MYCBP2: variants seen among roughly 807,000 people sequenced by gnomAD.
MYCBP2 encodes E3 ubiquitin-protein ligase MYCBP2.
Under a neutral mutation model 525.3 loss-of-function variants are expected in MYCBP2, and 120 were observed. The observed-to-expected ratio is 0.23, with a 90% confidence interval of 0.20 to 0.27. The LOEUF (loss-of-function observed/expected upper bound fraction) is 0.27, where lower values mean the gene tolerates loss of function less well. MYCBP2 is among the 10% of genes least tolerant of loss of function. The probability of loss-of-function intolerance (pLI) is 1.00; values close to 1 mark genes in which losing one functional copy is unlikely to be tolerated. For synonymous variants in MYCBP2, 1,894 were observed against 1,955.8 expected, an observed-to-expected ratio of 0.97 and a Z score of 0.83; for missense variants, 4,149 against 5,657.1, an observed-to-expected ratio of 0.73 and a Z score of 8.55.
rs756451071 is a variant in MYCBP2, at chr13:77,176,554, C to T, written c.5415G>A (p.Thr1805=). Residue 1805 remains threonine, a synonymous_variant, in exon 36 of 83, where the codon ACG becomes ACA. Transcript: ENST00000544440. ...SLELVKGTYT[T]DDSPSDIAEI... ...CAGCTATATCACTGGGTGAGTCATCCGTTGTGTACGTTCCTTTCACTAATT... is the reference window on the plus strand; with the variant it reads ...CAGCTATATCACTGGGTGAGTCATCTGTTGTGTACGTTCCTTTCACTAATT... 17 of 1,599,668 alleles carry T rather than the reference C, an allele frequency of 1.1e-5. No homozygotes were observed. Among genetic ancestry groups the T allele is most frequent in the Admixed American group, 3.3e-5 (2 of 59,838 alleles).
chr13:77,120,284 A>C (rs931491333), intron 55 of MYCBP2, among the ~76,000 whole-genome samples: 5 of 152,210 alleles, frequency 3.3e-5, no homozygotes, highest in Non-Finnish European at 7.4e-5. Flanking sequence ...ACCCGAAGTA[A>C]GCGAGCAGAT....
chr13:77,058,256 A>T lies in MYCBP2; in HGVS notation c.13291T>A (p.Cys4431Ser). The T allele has an allele frequency of 6.2e-7, 1 of 1,614,176 alleles. No homozygotes were observed. The highest frequency in any genetic ancestry group is 8.5e-7 in the Non-Finnish European group (1 of 1,180,012). ...KQDADDMCMICFTEALSAAPA... is the reference protein window; with the variant it reads ...KQDADDMCMISFTEALSAAPA... ...GCTGCCGAGAGCGCTTCGGTGAAAC[A>T]TATCATGCACATGTCATCGGCGTCT... is the stretch of plus-strand genomic sequence containing the variant. The change falls in exon 78 of 83, where the codon TGT (cysteine) becomes AGT (serine). Residue 4431 changes from cysteine (C) to serine (S), a missense_variant. Transcript: ENST00000544440. The surrounding 1 kb of genome is among the most constrained non-coding windows in gnomAD (Gnocchi z 4.1).
chr13:77,288,463 A>G (rs2077120082), intron 2 of MYCBP2, 87 bp from the exon 3 acceptor site: 1 of 1,145,268 alleles, frequency 8.7e-7, no homozygotes, highest in South Asian at 1.5e-5. Context: ...TAGACACACT[A>G]ACTGACTTGC....
chr13:77,068,551 G>C lies in MYCBP2; in HGVS notation c.12171+14C>G, dbSNP rs746144525. ...TAACAAAAGCAATGGAAAGGCTGTA[G>C]TGTGATCAGTCACCTGTCTCTGGAC... is the stretch of plus-strand genomic sequence containing the variant. On this transcript the variant is annotated intron_variant, in intron 70 of 82. Coordinates refer to ENST00000544440, the MANE Select transcript of MYCBP2 (RefSeq NM_015057.5). 2.5e-6 allele frequency: 4 copies of C among 1,613,450 alleles called. No homozygotes were observed. In the Admixed American group the frequency reaches 6.7e-5, roughly 27 times the overall value.
chr13:77,108,488 G>T (rs1186182296), intron 55 of MYCBP2, among the ~76,000 whole-genome samples: 2 of 152,076 alleles, frequency 1.3e-5, no homozygotes, highest in Non-Finnish European at 2.9e-5. Context: ...GCTTTTAAAA[G>T]TAAAAATCTT....
At chr13:77,318,741 G>A (rs569517374) in intron 1 of MYCBP2, among the ~76,000 whole-genome samples, 84 of 152,254 alleles carry the variant, frequency 5.5e-4, no homozygotes, top group African/African-American at 1.9e-3. Context: ...GTGACAGAGC[G>A]AGACTCTGCC....
At chr13:77,312,605 A>G (rs1443376110) in intron 1 of MYCBP2, among the ~76,000 whole-genome samples, 1 of 152,080 alleles carries the variant, frequency 6.6e-6, no homozygotes, top group East Asian at 1.9e-4. Context: ...TATTGCTGAA[A>G]AGACCAATAG....
chr13:77,312,639 AATAATCCCAAAAT>A (rs1414397317), intron 1 of MYCBP2, among the ~76,000 whole-genome samples: 1 of 152,088 alleles, frequency 6.6e-6, no homozygotes, highest in Non-Finnish European at 1.5e-5. Context: ...AAATACTCCC[AATAATCCCAAAAT>A]ATAATCCCAA....
chr13:77,050,072 T>C (rs2036464156), intron 82 of MYCBP2, among the ~76,000 whole-genome samples: 1 of 152,186 alleles, frequency 6.6e-6, no homozygotes, highest in Non-Finnish European at 1.5e-5. Flanking sequence ...TAGCATTGTT[T>C]ATACATTTTT....
chr13:77,070,019 T>A (rs1443306960), intron 69 of MYCBP2, among the ~76,000 whole-genome samples: 1 of 152,174 alleles, frequency 6.6e-6, no homozygotes, highest in Non-Finnish European at 1.5e-5. Context: ...TTAACACTGG[T>A]ATAGTTAACA....
In MYCBP2 at chr13:77,125,453, C is replaced by T; in HGVS notation, c.7900G>A (p.Gly2634Arg). ...TTCTGATCCAGTTGCACCCATGTCC[C>T]TTCAGAATTGGTTACCTGGTACATA... ...KAVGEVTNSEGTWVQLDQNSM... is the reference protein window; with the variant it reads ...KAVGEVTNSERTWVQLDQNSM... Residue 2634 changes from glycine to arginine, a missense_variant, in exon 54 of 83, where the codon GGG (glycine) becomes AGG (arginine). By Grantham distance (125) the Gly-to-Arg change is moderately radical. Transcript: ENST00000544440. 1 of 1,613,652 alleles carries T rather than the reference C, an allele frequency of 6.2e-7. No individual in the cohort carries two copies. Among genetic ancestry groups the T allele is most frequent in the African/African-American group, 1.3e-5 (1 of 75,024 alleles).
chr13:77,189,030 C>T lies in MYCBP2; in HGVS notation c.4172G>A (p.Gly1391Asp). 1.2e-6 allele frequency: 2 copies of T among 1,609,478 alleles called. No homozygotes were observed. Among genetic ancestry groups the T allele is most frequent in the Non-Finnish European group, 1.7e-6 (2 of 1,178,028 alleles). ...TTGCTGTTTGCCTTTTGAAGCACTGCCATCACTGGTTGGAAGTCTAAAGGC... is the reference window on the plus strand; with the variant it reads ...TTGCTGTTTGCCTTTTGAAGCACTGTCATCACTGGTTGGAAGTCTAAAGGC... ...QLLYRLPTSD[G>D]SASKGKQQTS... The change falls in exon 30 of 83, where the codon GGC becomes GAC. Residue 1391 changes from glycine (G) to aspartate (D), a missense_variant. This residue lies in a region of MYCBP2 where 292 missense variants were observed against 330.5 expected (regional missense o/e 0.88). Transcript: ENST00000544440.
At chr13:77,224,976 T>C (rs1221101530) in intron 19 of MYCBP2, among the ~76,000 whole-genome samples, 1 of 152,204 alleles carries the variant, frequency 6.6e-6, no homozygotes, top group African/African-American at 2.4e-5. Flanking sequence ...ATTTAACATT[T>C]TTGTTTTTAT....
At position 77,099,180 on chromosome 13, in the gene MYCBP2, A is replaced by G. The variant is rs1001518706; in HGVS notation, c.8141-167T>C. 26 of 968,366 alleles carry G rather than the reference A, an allele frequency of 2.7e-5. No individual in the cohort carries two copies. The African/African-American group carries it at 3.5e-4, about 13-fold the overall frequency. 60.0% of individuals were successfully genotyped at this position (968,366 alleles called of 1,614,324 possible). The stretch of plus-strand genomic sequence containing the variant: ...GAAAGAAGGGGGAAATATTTCTAAT[A>G]AAATTTCTACACATCATTACACAAC... On this transcript the variant is annotated intron_variant, in intron 55 of 82. Coordinates refer to ENST00000544440, the MANE Select transcript of MYCBP2 (RefSeq NM_015057.5).
chr13:77,074,004 C>A (rs1256498946), intron 68 of MYCBP2, among the ~76,000 whole-genome samples: 3 of 36,546 alleles, frequency 8.2e-5, no homozygotes, highest in Admixed American at 6.6e-4. Flanking sequence ...TCCCCACCGC[C>A]CCCCCCCCTT....
At chr13:77,188,356 T>C (rs767758941) in intron 30 of MYCBP2, among the ~76,000 whole-genome samples, 7 of 152,206 alleles carry the variant, frequency 4.6e-5, no homozygotes, top group Non-Finnish European at 1.0e-4. Context: ...TTACACCCCT[T>C]ATCTCATTAG....
At chr13:77,107,573 C>CA (rs931235066) in intron 55 of MYCBP2, among the ~76,000 whole-genome samples, 3 of 151,786 alleles carry the variant, frequency 2.0e-5, no homozygotes, top group South Asian at 2.1e-4. Flanking sequence ...CCCATTTCCA[C>CA]AAAAAAATAC....
rs2078502126 is a variant in MYCBP2 at position 77,299,119 on chromosome 13, T to C, written c.303-2445A>G. 2.0e-5 allele frequency among the ~76,000 whole-genome samples: 3 copies of C among 152,170 alleles called. No individual in the cohort carries two copies. In the South Asian group the frequency reaches 6.2e-4, roughly 31 times the overall value. ...AGGTTAGCCCCTTCTATATAACTTATAAAAGCATCAAAATTTATTCCAAAC... is the reference window on the plus strand; with the variant it reads ...AGGTTAGCCCCTTCTATATAACTTACAAAAGCATCAAAATTTATTCCAAAC... On this transcript the variant is annotated intron_variant, in intron 1 of 82. Coordinates refer to ENST00000544440, the MANE Select transcript of MYCBP2 (RefSeq NM_015057.5).
At position 77,055,254 on chromosome 13, in the gene MYCBP2, G is replaced by A. The variant is rs116137655; in HGVS notation, c.13647+304C>T. On this transcript the variant is annotated intron_variant, in intron 80 of 82. Coordinates refer to ENST00000544440, the MANE Select transcript of MYCBP2 (RefSeq NM_015057.5). ...TTTTAAGGAAGGAATGGTTAGCAGA[G>A]TCAAGTGAGAGAAGTTTATTCGAGA... Among the ~76,000 whole-genome samples the A allele has an allele frequency of 1.7e-3, 263 of 152,256 alleles. 2 individuals carry two copies. The highest frequency in any genetic ancestry group is 7.7e-3 in the South Asian group (37 of 4,824).
Sources: gnomAD v4.1 joint callset for allele counts (sites outside exome capture counted in the v4.1 genomes callset) on GRCh38, gnomAD v4.1.1 for gene constraint, gnomAD v4.1.1 regional missense constraint, Gnocchi (gnomAD v3.1) non-coding constraint, MANE v1.5 for transcripts, NCBI Gene and HGNC (gene_info 2026-07-23, HGNC 2026-07-21) for gene names.